PGGT1B: variants seen among roughly 807,000 people sequenced by gnomAD.
The protein encoded by PGGT1B is protein geranylgeranyltransferase type I subunit beta, also known as geranylgeranyl transferase type-1 subunit beta.
In PGGT1B, 30 loss-of-function variants were observed where a neutral mutation model predicts 46.1. The ratio of observed to expected loss-of-function variants is 0.65; its 90% confidence interval spans 0.49 to 0.88. The LOEUF (loss-of-function observed/expected upper bound fraction) is 0.88, where lower values mean the gene tolerates loss of function less well. Among genes scored for constraint, PGGT1B ranks in the 40% least tolerant of loss-of-function variants. The pLI, the probability that PGGT1B is intolerant of heterozygous loss-of-function variation, is 0.00. For synonymous variants in PGGT1B, 170 were observed against 160.0 expected (o/e 1.06, Z -0.47); for missense variants, 376 against 455.9 (o/e 0.82, Z 1.60).
intron 1 of PGGT1B, among the ~76,000 whole-genome samples, chr5:115,254,039 T>C (rs550419311): frequency 1.3e-5 from 2 of 152,196 alleles, no homozygotes; most frequent in East Asian, 1.9e-4. Flanking sequence ...ACAATTCATA[T>C]GACTAATAGT....
chr5:115,247,148 A>T (rs1369961473), intron 2 of PGGT1B, among the ~76,000 whole-genome samples: 3 of 152,180 alleles, frequency 2.0e-5, no homozygotes, highest in Non-Finnish European at 4.4e-5. Flanking sequence ...TTTACTATTA[A>T]GCTCATAAAA....
intron 2 of PGGT1B, among the ~76,000 whole-genome samples, chr5:115,244,999 T>C (rs911718017): frequency 1.3e-5 from 2 of 152,192 alleles, no homozygotes; most frequent in Admixed American, 1.3e-4. Context: ...TTTTTTTTTC[T>C]CTTTTTGTTC....
intron 2 of PGGT1B, among the ~76,000 whole-genome samples, chr5:115,246,355 C>T (rs1038305972): frequency 8.4e-6 from 1 of 118,608 alleles, no homozygotes; most frequent in South Asian, 2.7e-4. Flanking sequence ...TACTCCATTT[C>T]AAAAAAAAAA....
chr5:115,236,550 T>C, intron 4 of PGGT1B, 28 bp from the exon 5 acceptor site: 4 of 1,492,492 alleles, frequency 2.7e-6, no homozygotes, highest in Non-Finnish European at 3.6e-6. Flanking sequence ...AATATGATTT[T>C]CTATTAACAC....
intron 6 of PGGT1B, among the ~76,000 whole-genome samples, chr5:115,223,148 T>G (rs548980090): frequency 6.6e-4 from 100 of 150,760 alleles, no homozygotes; most frequent in Non-Finnish European, 1.1e-3. Flanking sequence ...AAGAAAAGAA[T>G]GGTGGGGGAT....
chr5:115,212,715 A>T, intron 8 of PGGT1B, 132 bp from the exon 9 acceptor site: 1 of 579,038 alleles, frequency 1.7e-6, no homozygotes. Context: ...TATAGTTTTA[A>T]AAATATTTGC....
Position 115,262,724 on chromosome 5 carries a change from A to C in PGGT1B, c.128T>G (p.Leu43Arg), listed in dbSNP as rs1442820936. 5.0e-6 allele frequency: 8 copies of C among 1,609,892 alleles called. No homozygotes were observed. Among genetic ancestry groups the C allele is most frequent in the Non-Finnish European group, 6.8e-6 (8 of 1,178,030 alleles). The change falls in exon 1 of 9, where the codon CTC becomes CGC. Residue 43 changes from leucine to arginine, a missense_variant. Physicochemically the swap from Leu to Arg is moderately radical, Grantham distance 102. Transcript: ENST00000419445. ...TGCCACGAGTTACCTGCTTGTCTCG[A>C]GTGAAGAATAGCGCTCCGGCAAAAC... The part of the protein sequence containing the change: ...LQVLPERYSS[L>R]ETSRLTIAFF...
chr5:115,226,219 A>T (rs958145052), intron 6 of PGGT1B, among the ~76,000 whole-genome samples: 2 of 152,096 alleles, frequency 1.3e-5, no homozygotes, highest in African/African-American at 4.8e-5. Flanking sequence ...AAAATCTGAA[A>T]TGCTCCCAAA....
At chr5:115,250,614 GGAGTGGT>G (rs1187881203) in intron 2 of PGGT1B, among the ~76,000 whole-genome samples, 1 of 152,164 alleles carries the variant, frequency 6.6e-6, no homozygotes, top group East Asian at 1.9e-4. Flanking sequence ...GTTCTCAAAA[GGAGTGGT>G]GAGCTGCAAT....
intron 1 of PGGT1B, among the ~76,000 whole-genome samples, chr5:115,262,159 CCA>C (rs1157245605): frequency 1.3e-5 from 2 of 152,200 alleles, no homozygotes; most frequent in African/African-American, 2.4e-5. Flanking sequence ...CTCTGCCGCA[CCA>C]CACTCTTCAG....
Position 115,208,980 on chromosome 5 carries a change from G to C in PGGT1B, c.*3422C>G, listed in dbSNP as rs1161802304. On this transcript the variant is annotated 3_prime_UTR_variant, in exon 9 of 9. Transcript: ENST00000419445. Reference sequence around the variant, plus strand: ...ATTTCTTATACTAACTTTGACTGGAGTTGGACTGTAATCCTGGCTCACTTA... The same window carrying C: ...ATTTCTTATACTAACTTTGACTGGACTTGGACTGTAATCCTGGCTCACTTA... 2 of 152,054 alleles carry C rather than the reference G, an allele frequency of 1.3e-5. No homozygotes were observed. Among genetic ancestry groups the C allele is most frequent in the South Asian group, 2.1e-4 (1 of 4,816 alleles). The allele number at this position is 152,054 out of a possible 1,614,324, so 9.4% of individuals were successfully genotyped here. A position where few individuals can be genotyped will look rare whatever the true frequency, so the allele number is the denominator to read the frequency against.
intron 5 of PGGT1B, 41 bp from the exon 6 acceptor site, chr5:115,231,062 T>C: frequency 9.6e-7 from 1 of 1,047,072 alleles, no homozygotes; most frequent in African/African-American, 1.7e-5. Context: ...AGGGAAATAA[T>C]AATAATAATA....
At chr5:115,216,208 C>T (rs902395563) in intron 8 of PGGT1B, among the ~76,000 whole-genome samples, 2 of 152,030 alleles carry the variant, frequency 1.3e-5, no homozygotes, top group African/African-American at 4.8e-5. Flanking sequence ...GGTGCAATCT[C>T]GGCTCACTGG....
At position 115,206,190 on chromosome 5, in the gene PGGT1B, T is replaced by A. The variant is rs265417; in HGVS notation, c.*6212A>T. On this transcript the variant is annotated 3_prime_UTR_variant, in exon 9 of 9. Transcript: ENST00000419445. Reference sequence around the variant, plus strand: ...TGAGTAATACTTAAATGTTCAGATATTTAAAGAATATTCTCTATTTCTATA... The same window carrying A: ...TGAGTAATACTTAAATGTTCAGATAATTAAAGAATATTCTCTATTTCTATA... 4.0e-5 allele frequency: 6 copies of A among 151,444 alleles called. No individual in the cohort carries two copies. The highest frequency in any genetic ancestry group is 4.0e-4 in the Admixed American group (6 of 15,178). The allele number at this position is 151,444 out of a possible 1,614,324, so 9.4% of individuals were successfully genotyped here.
chr5:115,212,849 A>T (rs1756278275), intron 8 of PGGT1B, among the ~76,000 whole-genome samples: 1 of 152,248 alleles, frequency 6.6e-6, no homozygotes, highest in African/African-American at 2.4e-5. Flanking sequence ...TACTGTCCAT[A>T]ACCTCTGTGA....
At chr5:115,245,787 G>A (rs73255489) in intron 2 of PGGT1B, among the ~76,000 whole-genome samples, 2,033 of 152,054 alleles carry the variant, frequency 0.013, 47 homozygotes, top group African/African-American at 0.046. Context: ...TAAGCACCAC[G>A]GTCACAGTAT....
intron 5 of PGGT1B, among the ~76,000 whole-genome samples, chr5:115,232,963 G>GA (rs1757042726): frequency 2.0e-5 from 3 of 151,852 alleles, no homozygotes; most frequent in Non-Finnish European, 2.9e-5. Flanking sequence ...TTTCCTATCA[G>GA]AAAAATCATA....
At chr5:115,212,971 G>GC (rs1323972261) in intron 8 of PGGT1B, among the ~76,000 whole-genome samples, 4 of 151,374 alleles carry the variant, frequency 2.6e-5, no homozygotes, top group African/African-American at 9.7e-5. Context: ...ATATCATTAA[G>GC]TTTTTTTTTC....
chr5:115,243,861 T>C (rs566308656), intron 2 of PGGT1B, among the ~76,000 whole-genome samples: 7 of 152,292 alleles, frequency 4.6e-5, no homozygotes, highest in African/African-American at 1.4e-4. Flanking sequence ...ATTTCTCATA[T>C]ATGGGCCCCA....
Sources: allele counts gnomAD v4.1 joint callset (sites outside exome capture counted in the v4.1 genomes callset), GRCh38; gene constraint gnomAD v4.1.1; transcripts MANE v1.5; gene names NCBI Gene and HGNC (gene_info 2026-07-23, HGNC 2026-07-21).